Variants in KRT18 observed in about 807,000 individuals in gnomAD.
KRT18 encodes the protein keratin 18.
In KRT18, 8 loss-of-function variants were observed where a neutral mutation model predicts 39.9. The ratio of observed to expected loss-of-function variants is 0.20; its 90% confidence interval spans 0.12 to 0.36. The LOEUF (loss-of-function observed/expected upper bound fraction) is 0.36, where lower values mean the gene tolerates loss of function less well. Ranked by LOEUF, KRT18 falls within the 10% of genes least tolerant of loss-of-function variation. KRT18 has a pLI of 1.00. For missense variants in KRT18, 396 were observed against 565.7 expected (o/e 0.70, Z 3.04); for synonymous variants, 194 against 227.8 (o/e 0.85, Z 1.33).
rs765181291 is a variant in KRT18, at chr12:52,951,490, G to A, written c.667G>A (p.Gly223Ser). The A allele has an allele frequency of 2.5e-6, 4 of 1,614,028 alleles. No homozygotes were observed. The South Asian group carries it at 4.4e-5, about 18-fold the overall frequency. ...MKKNHEEEVK[G>S]LQAQIASSGL... ...CCCCTGTCACCTTTAGGAAGTAAAAGGCCTACAAGCCCAGATTGCCAGCTC... is the reference window on the plus strand; with the variant it reads ...CCCCTGTCACCTTTAGGAAGTAAAAAGCCTACAAGCCCAGATTGCCAGCTC... Residue 223 changes from glycine (G) to serine (S), a missense_variant, in exon 4 of 7, where the codon GGC becomes AGC. Gly to Ser is a moderately conservative substitution (Grantham distance 56). Coordinates refer to ENST00000388835, the MANE Select transcript of KRT18 (RefSeq NM_000224.3).
Position 52,949,258 on chromosome 12 carries a change from G to A in KRT18, c.85G>A (p.Val29Ile), listed in dbSNP as rs1465913307. 2.6e-5 allele frequency: 42 copies of A among 1,611,180 alleles called. No individual in the cohort carries two copies. Among genetic ancestry groups the A allele is most frequent in the Non-Finnish European group, 3.6e-5 (42 of 1,179,834 alleles). ...VQAPSYGARP[V>I]SSAASVYAGA... ...GGCGCCCAGCTACGGCGCCCGGCCGGTCAGCAGCGCGGCCAGCGTCTATGC... is the reference window on the plus strand; with the variant it reads ...GGCGCCCAGCTACGGCGCCCGGCCGATCAGCAGCGCGGCCAGCGTCTATGC... The change falls in exon 1 of 7, where the codon GTC (valine) becomes ATC (isoleucine). Residue 29 changes from valine (V) to isoleucine (I), a missense_variant. Transcript: ENST00000388835.
Position 52,951,465 on chromosome 12 carries a change from C to A in KRT18, c.658-16C>A. The A allele has an allele frequency of 1.2e-6, 2 of 1,613,744 alleles. No individual in the cohort carries two copies. Among genetic ancestry groups the A allele is most frequent in the Non-Finnish European group, 1.7e-6 (2 of 1,179,688 alleles). On this transcript the variant is annotated splice_polypyrimidine_tract_variant and intron_variant, in intron 3 of 6. Coordinates refer to ENST00000388835, the MANE Select transcript of KRT18 (RefSeq NM_000224.3). ...TGACCCTGAACCCTCCTCACTTTTGCCCCTGTCACCTTTAGGAAGTAAAAG... is the reference window on the plus strand; with the variant it reads ...TGACCCTGAACCCTCCTCACTTTTGACCCTGTCACCTTTAGGAAGTAAAAG...
In KRT18 at chr12:52,951,952, C is replaced by T. The variant is rs939836451; in HGVS notation, c.948+96C>T. ...AATCCTATCCCTCATATCATGAGTT[C>T]CTTTAGCTCAGAAAGAGTCAGTTTC... On this transcript the variant is annotated intron_variant, in intron 5 of 6. Coordinates refer to ENST00000388835, the MANE Select transcript of KRT18 (RefSeq NM_000224.3). 4.0e-6 allele frequency: 6 copies of T among 1,487,420 alleles called. No individual in the cohort carries two copies. In the East Asian group the frequency reaches 1.1e-4, roughly 28 times the overall value. The allele number at this position is 1,487,420 out of a possible 1,614,324, so 92.1% of individuals were successfully genotyped here.
In KRT18 at chr12:52,951,857, G is replaced by A. The variant is rs776543722; in HGVS notation, c.948+1G>A. 1 of 1,605,122 alleles carries A rather than the reference G, an allele frequency of 6.2e-7. No individual in the cohort carries two copies. On this transcript the variant is annotated splice_donor_variant, in intron 5 of 6. Coordinates refer to ENST00000388835, the MANE Select transcript of KRT18 (RefSeq NM_000224.3). LOFTEE classifies it high-confidence loss of function. ...CGACCTGGACTCCATGAGAAATCTG[G>A]TGAGTGCCTTCACATCACCTGCCCA...
Position 52,952,164 on chromosome 12 carries a change from G to A in KRT18, c.994G>A (p.Ala332Thr), listed in dbSNP as rs748604274. The A allele has an allele frequency of 1.4e-5, 22 of 1,578,054 alleles. No individual in the cohort carries two copies. The highest frequency in any genetic ancestry group is 4.6e-5 in the East Asian group (2 of 43,298). The change falls in exon 6 of 7, where the codon GCC (alanine) becomes ACC (threonine). Residue 332 changes from alanine to threonine, a missense_variant. Transcript: ENST00000388835. ...CCTGAGGGAGGTGGAGGCCCGCTAC[G>A]CCCTACAGATGGAGCAGCTCAACGG... Reference protein sequence around the residue: ...NSLREVEARYALQMEQLNGIL... With the variant: ...NSLREVEARYTLQMEQLNGIL...
rs779909524 is a variant in KRT18 at position 52,951,537 on chromosome 12, T to G, written c.714T>G (p.Asp238Glu). The part of the protein sequence containing the change: ...IASSGLTVEV[D>E]APKSQDLAKI... ...GCTCTGGGTTGACCGTGGAGGTAGA[T>G]GCCCCCAAATCTCAGGACCTCGCCA... Residue 238 changes from aspartate to glutamate, a missense_variant, in exon 4 of 7, where the codon GAT becomes GAG. By Grantham distance (45) the Asp-to-Glu change is conservative (BLOSUM62 2). Coordinates refer to ENST00000388835, the MANE Select transcript of KRT18 (RefSeq NM_000224.3). The G allele has an allele frequency of 1.2e-6, 2 of 1,614,080 alleles. No homozygotes were observed. Among genetic ancestry groups the G allele is most frequent in the Non-Finnish European group, 8.5e-7 (1 of 1,179,982 alleles).
rs1395559995 is a variant in KRT18 at position 52,951,994 on chromosome 12, C to T, written c.949-125C>T. 2.3e-6 allele frequency: 3 copies of T among 1,314,372 alleles called. No homozygotes were observed. In the East Asian group the frequency reaches 7.0e-5, roughly 31 times the overall value. 81.4% of individuals were successfully genotyped at this position (1,314,372 alleles called of 1,614,324 possible). On this transcript the variant is annotated intron_variant, in intron 5 of 6. Transcript: ENST00000388835. ...GTCAGTTTCCTCTTTGCATTTCCCT[C>T]CACTCCTATCCCTTATCCCAGTACT...
chr12:52,952,443 C>T, intron 6 of KRT18, 101 bp downstream of exon 6: 2 of 873,882 alleles, frequency 2.3e-6, no homozygotes, highest in Non-Finnish European at 3.7e-6. Context: ...TCACTGGTAT[C>T]CACTGAGCAC....
At chr12:52,950,615 C>T (rs938056874) in intron 2 of KRT18, 135 bp from the exon 3 acceptor site, 7 of 923,940 alleles carry the variant, frequency 7.6e-6, no homozygotes, top group African/African-American at 4.9e-5. Context: ...GAATGGTGCT[C>T]AGGGGATTAC....
rs763612705 is a variant in KRT18, at chr12:52,952,249, C to T, written c.1079C>T (p.Ala360Val). 6 of 1,605,574 alleles carry T rather than the reference C, an allele frequency of 3.7e-6. No homozygotes were observed. Among genetic ancestry groups the T allele is most frequent in the Non-Finnish European group, 5.1e-6 (6 of 1,177,006 alleles). Residue 360 changes from alanine (A) to valine (V), a missense_variant, in exon 6 of 7, where the codon GCC becomes GTC. Physicochemically the swap from Ala to Val is moderately conservative, Grantham distance 64. Coordinates refer to ENST00000388835, the MANE Select transcript of KRT18 (RefSeq NM_000224.3). ...ACCCGGGCAGAGGGACAGCGCCAGG[C>T]CCAGGAGTATGAGGCCCTGCTGAAC... ...AQTRAEGQRQ[A>V]QEYEALLNIK... is the part of the protein sequence containing the mutation.
In KRT18 at chr12:52,952,351, G is replaced by C. The variant is rs1255772303; in HGVS notation, c.1172+9G>C. 11 of 1,555,544 alleles carry C rather than the reference G, an allele frequency of 7.1e-6. No homozygotes were observed. The highest frequency in any genetic ancestry group is 9.7e-6 in the Non-Finnish European group (11 of 1,137,656). On this transcript the variant is annotated intron_variant, in intron 6 of 6. Transcript: ENST00000388835. ...GATGGCGAGGACTTTAAGTGAGTGG[G>C]GCTCTCCTACCCACACGTGCTGGGA...
chr12:52,950,956 C>A, intron 3 of KRT18, 50 bp downstream of exon 3: 3 of 1,527,920 alleles, frequency 2.0e-6, no homozygotes, highest in African/African-American at 1.4e-5. Context: ...CAAGAGAAGT[C>A]TGGGTCGGAG....
Position 52,950,415 on chromosome 12 carries a change from G to A in KRT18, c.500+5G>A. On this transcript the variant is annotated splice_donor_5th_base_variant and intron_variant, in intron 2 of 6. Transcript: ENST00000388835. ...TGCTGATGACTTTAGAGTCAAGTAA[G>A]TTTGGGGGCTAGAGAGCTGGGGGTC... 6.2e-7 allele frequency: 1 copy of A among 1,605,646 alleles called. No individual in the cohort carries two copies. The highest frequency in any genetic ancestry group is 8.5e-7 in the Non-Finnish European group (1 of 1,172,560).
intron 2 of KRT18, 162 bp from the exon 3 acceptor site, chr12:52,950,588 T>C: frequency 1.2e-6 from 1 of 830,594 alleles, no homozygotes; most frequent in Non-Finnish European, 2.0e-6. Context: ...TTAAGAATAC[T>C]GTCCTCCAAG....
At position 52,952,301 on chromosome 12, in the gene KRT18, C is replaced by A. The variant is rs765547912; in HGVS notation, c.1131C>A (p.Ile377=). Residue 377 remains isoleucine, a synonymous_variant, in exon 6 of 7, where the codon ATC becomes ATA. Coordinates refer to ENST00000388835, the MANE Select transcript of KRT18 (RefSeq NM_000224.3). ...LNIKVKLEAE[I]ATYRRLLEDG... ...TCAAGGTCAAGCTGGAGGCTGAGAT[C>A]GCCACCTACCGCCGCCTGCTGGAAG... 1.2e-6 allele frequency: 2 copies of A among 1,607,204 alleles called. No homozygotes were observed. The highest frequency in any genetic ancestry group is 1.3e-5 in the African/African-American group (1 of 74,888).
chr12:52,949,067 G>A (rs1942407106), upstream of KRT18: 4 of 1,077,148 alleles, frequency 3.7e-6, no homozygotes, highest in South Asian at 1.3e-5. Context: ...GCTCCGGGGC[G>A]GGGGCGGGGC....
chr12:52,950,151 C>A, intron 1 of KRT18, 177 bp from the exon 2 acceptor site: 1 of 720,998 alleles, frequency 1.4e-6, no homozygotes, highest in South Asian at 1.5e-5. Context: ...TCTGGGAATC[C>A]AGGAAAGGAG....
In KRT18 at chr12:52,949,134, G is replaced by A. The variant is rs376817240; in HGVS notation, c.-40G>A. 9.2e-5 allele frequency: 147 copies of A among 1,592,842 alleles called. 1 individual carries two copies. The highest frequency in any genetic ancestry group is 1.2e-4 in the Non-Finnish European group (135 of 1,163,374). ...CTCGCGCAGGCCGCCACCGTCGTCC[G>A]CAAAGCCTGAGTCCTGTCCTTTCTC... On this transcript the variant is annotated 5_prime_UTR_variant, in exon 1 of 7. Transcript: ENST00000388835.
At chr12:52,951,291 CA>C (rs1350905267) in intron 3 of KRT18, among the ~76,000 whole-genome samples, 189 bp from the exon 4 acceptor site, 1 of 152,098 alleles carries the variant, frequency 6.6e-6, no homozygotes, top group Non-Finnish European at 1.5e-5. Flanking sequence ...GAGAAACCAT[CA>C]GTGAGTGGGT....
Sources: allele counts gnomAD v4.1 joint callset (sites outside exome capture counted in the v4.1 genomes callset), GRCh38; gene constraint gnomAD v4.1.1; transcripts MANE v1.5; gene names NCBI Gene and HGNC (gene_info 2026-07-23, HGNC 2026-07-21).